LSM2: variants seen among roughly 807,000 people sequenced by gnomAD.
LSM2 encodes the protein U6 snRNA-associated Sm-like protein LSm2.
LSM2 carries 12 observed loss-of-function variants against 17.0 expected under a neutral mutation model. That is an observed-to-expected ratio of 0.70 (90% confidence interval 0.45 to 1.14). The LOEUF is 1.14. Among genes scored for constraint, LSM2 ranks in the 50% most tolerant of loss-of-function variants. LSM2 has a pLI of 0.00. For missense variants in LSM2, 62 were observed against 111.8 expected, an observed-to-expected ratio of 0.55 and a Z score of 2.01; for synonymous variants, 42 against 44.5, an observed-to-expected ratio of 0.94 and a Z score of 0.22.
intron 2 of LSM2, among the ~76,000 whole-genome samples, chr6:31,801,449 TTAAGGAGGGGGAG>T: frequency 1.3e-5 from 2 of 152,092 alleles, no homozygotes; most frequent in Non-Finnish European, 2.9e-5. Context: ...ATTAAGTCCC[TTAAGGAGGGGGAG>T]ATACATAGCA....
intron 2 of LSM2, among the ~76,000 whole-genome samples, chr6:31,804,377 AAG>A (rs1194119568): frequency 6.6e-6 from 1 of 151,996 alleles, no homozygotes; most frequent in Non-Finnish European, 1.5e-5. Flanking sequence ...AAAAAAAAGA[AAG>A]AAAAAAAGCT....
intron 1 of LSM2, 22 bp from the exon 2 acceptor site, chr6:31,806,164 A>G: frequency 1.9e-6 from 3 of 1,608,618 alleles, no homozygotes; most frequent in Non-Finnish European, 2.6e-6. Context: ...GAGGGGGAAA[A>G]CCATCATGTG....
In LSM2 at chr6:31,798,036, T is replaced by C; in HGVS notation, c.116A>G (p.Lys39Arg). ...LHSVDQYLNIKLTDISVTDPE... is the reference protein window; with the variant it reads ...LHSVDQYLNIRLTDISVTDPE... ...GTCTGTGACACTGATGTCAGTTAGT[T>C]TGATGTTGAGATACTAGGAAAGGAA... Residue 39 changes from lysine (K) to arginine (R), a missense_variant, in exon 4 of 5, where the codon AAA becomes AGA. Physicochemically the swap from Lys to Arg is conservative, Grantham distance 26. Coordinates refer to ENST00000375661, the MANE Select transcript of LSM2 (RefSeq NM_021177.5). 6.2e-7 allele frequency: 1 copy of C among 1,601,094 alleles called. No individual in the cohort carries two copies. Among genetic ancestry groups the C allele is most frequent in the African/African-American group, 1.3e-5 (1 of 74,230 alleles).
At chr6:31,804,763 CTTTT>C (rs9279424) in intron 2 of LSM2, among the ~76,000 whole-genome samples, 7 of 104,908 alleles carry the variant, frequency 6.7e-5, no homozygotes, top group African/African-American at 1.1e-4. Context: ...TCTTTTTTTT[CTTTT>C]TTTTTTTTTT....
At chr6:31,802,082 C>A (rs1274850573) in intron 2 of LSM2, among the ~76,000 whole-genome samples, 1 of 151,654 alleles carries the variant, frequency 6.6e-6, no homozygotes, top group East Asian at 1.9e-4. Flanking sequence ...GAGTTCAAGA[C>A]CAGCCTGACG....
At chr6:31,803,223 A>C (rs1814820360) in intron 2 of LSM2, among the ~76,000 whole-genome samples, 1 of 152,202 alleles carries the variant, frequency 6.6e-6, no homozygotes, top group African/African-American at 2.4e-5. Context: ...TGAAAAAATT[A>C]TCTCACATAG....
intron 2 of LSM2, among the ~76,000 whole-genome samples, chr6:31,799,605 C>T (rs1480235850): frequency 4.6e-5 from 7 of 151,516 alleles, no homozygotes; most frequent in Non-Finnish European, 1.0e-4. Context: ...ATCTGCCCAC[C>T]TCAGCCTCCC....
rs1815078257 is a variant in LSM2, at chr6:31,806,877, G to A, written c.-120C>T. The A allele has an allele frequency of 2.3e-6, 3 of 1,318,586 alleles. No individual in the cohort carries two copies. Among genetic ancestry groups the A allele is most frequent in the South Asian group, 1.5e-5 (1 of 66,204 alleles). The allele number at this position is 1,318,586 out of a possible 1,614,324, so 81.7% of individuals were successfully genotyped here. On this transcript the variant is annotated 5_prime_UTR_variant, in exon 1 of 5. Coordinates refer to ENST00000375661, the MANE Select transcript of LSM2 (RefSeq NM_021177.5). The stretch of plus-strand genomic sequence containing the variant: ...CGAGGCGGGACCGCGCAGGCGCAGC[G>A]GGAAGCGACGCAGAAAGCTCCAAGC...
At chr6:31,801,945 G>A (rs1814734200) in intron 2 of LSM2, among the ~76,000 whole-genome samples, 1 of 152,026 alleles carries the variant, frequency 6.6e-6, no homozygotes, top group African/African-American at 2.4e-5. Flanking sequence ...AGACCAGCCT[G>A]GGCAACACGG....
Position 31,806,801 on chromosome 6 carries a change from G to A in LSM2, c.-44C>T, listed in dbSNP as rs546320211. On this transcript the variant is annotated 5_prime_UTR_variant, in exon 1 of 5. Coordinates refer to ENST00000375661, the MANE Select transcript of LSM2 (RefSeq NM_021177.5). ...AGCGGGCCGGACCGGGAAGACAGCA[G>A]GGTGCTGCGAGCAGGTCTGGGGAAA... is the stretch of plus-strand genomic sequence containing the variant. 222 of 1,602,146 alleles carry A rather than the reference G, an allele frequency of 1.4e-4. No individual in the cohort carries two copies. The African/African-American group carries it at 2.4e-3, about 18-fold the overall frequency.
chr6:31,806,623 A>C (rs557123129), intron 1 of LSM2, 132 bp downstream of exon 1: 1 of 1,223,232 alleles, frequency 8.2e-7, no homozygotes, highest in African/African-American at 1.5e-5. Context: ...TGAACCTGAG[A>C]AACAGTACAG....
rs1223964149 is a variant in LSM2 at position 31,806,769 on chromosome 6, C to T, written c.-12G>A. The T allele has an allele frequency of 1.2e-6, 2 of 1,609,696 alleles. No homozygotes were observed. Among genetic ancestry groups the T allele is most frequent in the Admixed American group, 1.7e-5 (1 of 59,294 alleles). ...ACGGTACCCACCATGGTGCTGGCGCCGCGGGCAGCGGGCCGGACCGGGAAG... is the reference window on the plus strand; with the variant it reads ...ACGGTACCCACCATGGTGCTGGCGCTGCGGGCAGCGGGCCGGACCGGGAAG... On this transcript the variant is annotated 5_prime_UTR_variant, in exon 1 of 5. Transcript: ENST00000375661.
At position 31,797,397 on chromosome 6, in the gene LSM2, T is replaced by C. The variant is rs1452497082; in HGVS notation, c.*360A>G. The C allele has an allele frequency of 4.4e-6, 1 of 228,870 alleles. No individual in the cohort carries two copies. The highest frequency in any genetic ancestry group is 8.7e-6 in the Non-Finnish European group (1 of 115,494). 14.2% of individuals were successfully genotyped at this position (228,870 alleles called of 1,614,324 possible). ...ATAGTAACAGAACCAAAACACAAAT[T>C]TGCATCATAAATTTTATTCCCGATG... On this transcript the variant is annotated 3_prime_UTR_variant, in exon 5 of 5. Coordinates refer to ENST00000375661, the MANE Select transcript of LSM2 (RefSeq NM_021177.5).
At chr6:31,800,902 A>G (rs1814659254) in intron 2 of LSM2, among the ~76,000 whole-genome samples, 3 of 151,688 alleles carry the variant, frequency 2.0e-5, no homozygotes, top group Admixed American at 2.0e-4. Flanking sequence ...AAAAAAATAC[A>G]AAAATTAGCT....
intron 2 of LSM2, among the ~76,000 whole-genome samples, chr6:31,805,730 C>T (rs1814995517): frequency 6.6e-6 from 1 of 152,152 alleles, no homozygotes; most frequent in African/African-American, 2.4e-5. Flanking sequence ...TTTTCCAATA[C>T]ACGATACAAT....
Position 31,806,931 on chromosome 6 carries a change from G to T in LSM2, c.-174C>A. 3.6e-6 allele frequency: 3 copies of T among 829,182 alleles called. No homozygotes were observed. Among genetic ancestry groups the T allele is most frequent in the East Asian group, 2.9e-5 (1 of 34,078 alleles). The allele number at this position is 829,182 out of a possible 1,614,324, so 51.4% of individuals were successfully genotyped here. A position where few individuals can be genotyped will look rare whatever the true frequency, so the allele number is the denominator to read the frequency against. Reference sequence around the variant, plus strand: ...GACGGGCAAAGCGCGGCCGACTTGCGGCTGGGGAGCGCAAGCTGGGTAGAG... The same window carrying T: ...GACGGGCAAAGCGCGGCCGACTTGCTGCTGGGGAGCGCAAGCTGGGTAGAG... On this transcript the variant is annotated 5_prime_UTR_variant, in exon 1 of 5. Transcript: ENST00000375661.
At chr6:31,803,387 G>T (rs1270185123) in intron 2 of LSM2, among the ~76,000 whole-genome samples, 1 of 152,016 alleles carries the variant, frequency 6.6e-6, no homozygotes, top group Non-Finnish European at 1.5e-5. Flanking sequence ...AAATTAGCTG[G>T]GCATGGTGGC....
chr6:31,798,335 G>C (rs1814508094), intron 3 of LSM2, 142 bp downstream of exon 3: 1 of 973,582 alleles, frequency 1.0e-6, no homozygotes, highest in Admixed American at 2.5e-5. Flanking sequence ...GCCTCTCAAA[G>C]TGCTGGGATT....
rs769760046 is a variant in LSM2, at chr6:31,806,902, C to G, written c.-145G>C. On this transcript the variant is annotated 5_prime_UTR_variant, in exon 1 of 5. Coordinates refer to ENST00000375661, the MANE Select transcript of LSM2 (RefSeq NM_021177.5). ...GGGAAGCGACGCAGAAAGCTCCAAGCGCTGACGGGCAAAGCGCGGCCGACT... is the reference window on the plus strand; with the variant it reads ...GGGAAGCGACGCAGAAAGCTCCAAGGGCTGACGGGCAAAGCGCGGCCGACT... 1.8e-6 allele frequency: 2 copies of G among 1,125,462 alleles called. No individual in the cohort carries two copies. The highest frequency in any genetic ancestry group is 5.6e-5 in the East Asian group (2 of 36,010). The allele number at this position is 1,125,462 out of a possible 1,614,324, so 69.7% of individuals were successfully genotyped here. A position where few individuals can be genotyped will look rare whatever the true frequency, so the allele number is the denominator to read the frequency against.
Sources: gnomAD v4.1 joint callset for allele counts (sites outside exome capture counted in the v4.1 genomes callset) on GRCh38, gnomAD v4.1.1 for gene constraint, MANE v1.5 for transcripts, NCBI Gene and HGNC (gene_info 2026-07-23, HGNC 2026-07-21) for gene names.